The following LONRF3 variants were observed in gnomAD, a reference collection of about 807,000 sequenced individuals.
LONRF3 encodes the protein LON peptidase N-terminal domain and RING finger protein 3.
In LONRF3, 19 loss-of-function variants were observed where a neutral mutation model predicts 51.7. The observed-to-expected ratio is 0.37, with a 90% CI of 0.26 to 0.54. The LOEUF (loss-of-function observed/expected upper bound fraction) is 0.54. Ranked by LOEUF, LONRF3 falls within the 20% of genes least tolerant of loss-of-function variation. LONRF3 has a pLI of 0.86. For synonymous variants in LONRF3, 265 were observed against 257.8 expected, an observed-to-expected ratio of 1.03 and a Z score of -0.27; for missense variants, 521 against 623.9, an observed-to-expected ratio of 0.84 and a Z score of 1.76.
rs189862519 is a variant in LONRF3 at position 118,983,327 on chromosome X, A to T, written c.1059+384A>T. 2.9e-4 allele frequency among the ~76,000 whole-genome samples: 32 copies of T among 111,662 alleles called. No individual in the cohort carries two copies. In the East Asian group the frequency reaches 7.3e-3, roughly 26 times the overall value. On this transcript the variant is annotated intron_variant, in intron 3 of 10. Coordinates refer to ENST00000371628, the MANE Select transcript of LONRF3 (RefSeq NM_001031855.3). ...GCATGGGGCTACCTGCTGTTACATA[A>T]CTTTTCTTTGGCTGAATCACAGTTT...
At position 118,989,530 on chromosome X, in the gene LONRF3, G is replaced by C; in HGVS notation, c.1182G>C (p.Gln394His). Reference sequence around the variant, plus strand: ...GTCAGCAGCACCACATGAAAGACCAGGAAGAAGAGGAGGAGAAGTGGGATG... The same window carrying C: ...GTCAGCAGCACCACATGAAAGACCACGAAGAAGAGGAGGAGAAGTGGGATG... ...GDGQQHHMKD[Q>H]EEEEEKWDAT... is the part of the protein sequence containing the mutation. The change falls in exon 4 of 11, where the codon CAG (glutamine) becomes CAC (histidine). Residue 394 changes from glutamine (Q) to histidine (H), a missense_variant. This residue lies in a region of LONRF3 where 376 missense variants were observed against 376.7 expected (regional missense o/e 1.00). Coordinates refer to ENST00000371628, the MANE Select transcript of LONRF3 (RefSeq NM_001031855.3). The C allele has an allele frequency of 8.3e-7, 1 of 1,211,500 alleles. No individual in the cohort carries two copies. The highest frequency in any genetic ancestry group is 1.1e-6 in the Non-Finnish European group (1 of 895,485).
At chrX:119,012,618 A>G (rs778305304) in intron 8 of LONRF3, among the ~76,000 whole-genome samples, 5 of 111,356 alleles carry the variant, frequency 4.5e-5, no homozygotes, top group Admixed American at 3.8e-4. Flanking sequence ...GAGAGAAAGA[A>G]GGGGGTCAAA....
At position 118,989,421 on chromosome X, in the gene LONRF3, T is replaced by C. The variant is rs146443202; in HGVS notation, c.1073T>C (p.Leu358Pro). The change falls in exon 4 of 11, where the codon CTC becomes CCC. Residue 358 changes from leucine to proline, a missense_variant. Transcript: ENST00000371628. ...RCEAQRDNLE[L>P]PHCSSQEEAA... The stretch of plus-strand genomic sequence containing the variant: ...TTCTTCATCCAGGACAATCTGGAGC[T>C]CCCACATTGTTCTAGTCAGGAGGAA... 200 of 1,208,448 alleles carry C rather than the reference T, an allele frequency of 1.7e-4. No individual in the cohort carries two copies. In the South Asian group the frequency reaches 3.4e-3, roughly 20 times the overall value.
chrX:118,999,395 C>T (rs973279293), intron 5 of LONRF3, among the ~76,000 whole-genome samples: 10 of 112,145 alleles, frequency 8.9e-5, no homozygotes, highest in Admixed American at 5.6e-4. Context: ...AGAAATCCTG[C>T]TTCCAGGCAG....
intron 2 of LONRF3, among the ~76,000 whole-genome samples, chrX:118,979,751 G>A (rs1714985248): frequency 9.0e-6 from 1 of 111,547 alleles, no homozygotes; most frequent in African/African-American, 3.3e-5. Context: ...TCACACAATG[G>A]TTGTGCCATT....
At position 118,996,478 on chromosome X, in the gene LONRF3, A is replaced by G. The variant is rs182828707; in HGVS notation, c.1415+5918A>G. Among the ~76,000 whole-genome samples, 898 of 111,781 alleles carry G rather than the reference A, an allele frequency of 8.0e-3. 7 individuals carry two copies. The highest frequency in any genetic ancestry group is 0.044 in the South Asian group (116 of 2,656). On this transcript the variant is annotated intron_variant, in intron 5 of 10. Coordinates refer to ENST00000371628, the MANE Select transcript of LONRF3 (RefSeq NM_001031855.3). ...AGAATTCAGTAAGGTTTCTGGATAC[A>G]AGATTAATGTACACAAATCAGGAGC...
chrX:119,007,740 G>A (rs1924832175), intron 6 of LONRF3, among the ~76,000 whole-genome samples: 1 of 111,719 alleles, frequency 9.0e-6, no homozygotes, highest in Non-Finnish European at 1.9e-5. Context: ...CGTTGGGATT[G>A]GGAGGAGGGT....
chrX:118,976,975 G>C (rs1922129318), intron 1 of LONRF3: 2 of 111,923 alleles, frequency 1.8e-5, no homozygotes, highest in African/African-American at 3.3e-5. Context: ...GAGGAATGAG[G>C]ACTGAAGGGG....
At chrX:119,014,868 T>C (rs1925335536) in intron 10 of LONRF3, among the ~76,000 whole-genome samples, 1 of 111,904 alleles carries the variant, frequency 8.9e-6, no homozygotes, top group African/African-American at 3.2e-5. Flanking sequence ...CGTGCCTCGG[T>C]CTATCTATGC....
intron 3 of LONRF3, among the ~76,000 whole-genome samples, chrX:118,986,506 A>G (rs888927315): frequency 2.7e-5 from 3 of 112,022 alleles, no homozygotes; most frequent in African/African-American, 9.7e-5. Context: ...AAATTCCCCA[A>G]GTGAGGTTTC....
At chrX:119,008,139 T>TG (rs1459208995) in intron 6 of LONRF3, among the ~76,000 whole-genome samples, 9 of 111,651 alleles carry the variant, frequency 8.1e-5, no homozygotes, top group Non-Finnish European at 1.1e-4. Flanking sequence ...GTTCAGGACT[T>TG]GGGGTCTAGA....
At chrX:118,989,237 A>C (rs1032516320) in intron 3 of LONRF3, among the ~76,000 whole-genome samples, 171 bp from the exon 4 acceptor site, 1 of 111,809 alleles carries the variant, frequency 8.9e-6, no homozygotes, top group Non-Finnish European at 1.9e-5. Flanking sequence ...TGTGCAGAAA[A>C]GAAGTAGGAA....
At chrX:118,987,314 A>G (rs182390714) in intron 3 of LONRF3, among the ~76,000 whole-genome samples, 102 of 110,145 alleles carry the variant, frequency 9.3e-4, no homozygotes, top group Admixed American at 1.3e-3. Context: ...GTCTCTTTCT[A>G]TCACCCAGGC....
Position 118,983,955 on chromosome X carries a change from A to T in LONRF3, c.1059+1012A>T, listed in dbSNP as rs1021726176. On this transcript the variant is annotated intron_variant, in intron 3 of 10. Coordinates refer to ENST00000371628, the MANE Select transcript of LONRF3 (RefSeq NM_001031855.3). Reference sequence around the variant, plus strand: ...AGTATGTGAAAAAGGTGTGCTTGAGAGGAGCACGGTTCGGGGAGAATTGCT... The same window carrying T: ...AGTATGTGAAAAAGGTGTGCTTGAGTGGAGCACGGTTCGGGGAGAATTGCT... Among the ~76,000 whole-genome samples the T allele has an allele frequency of 5.3e-5, 6 of 112,294 alleles. No individual in the cohort carries two copies. In the Admixed American group the frequency reaches 5.7e-4, roughly 11 times the overall value.
intron 6 of LONRF3, 56 bp from the exon 7 acceptor site, chrX:119,009,070 G>T: frequency 1.9e-6 from 2 of 1,058,104 alleles, no homozygotes; most frequent in East Asian, 3.1e-5. Context: ...GAAGTGTTTT[G>T]CTGATTGCTA....
At chrX:118,998,959 C>A (rs1332113366) in intron 5 of LONRF3, among the ~76,000 whole-genome samples, 1 of 112,281 alleles carries the variant, frequency 8.9e-6, no homozygotes, top group East Asian at 2.8e-4. Context: ...TATGCCTGGC[C>A]CTAAAAAAGT....
chrX:119,011,145 T>C (rs1396070426), intron 7 of LONRF3, among the ~76,000 whole-genome samples: 8 of 109,899 alleles, frequency 7.3e-5, no homozygotes, highest in Admixed American at 6.8e-4. Flanking sequence ...AGAAAGACCC[T>C]TGGGTCCCAA....
At chrX:118,999,793 T>A (rs750082223) in intron 5 of LONRF3, among the ~76,000 whole-genome samples, 8 of 111,903 alleles carry the variant, frequency 7.1e-5, no homozygotes, top group Non-Finnish European at 1.3e-4. Context: ...CCCTCCGTTC[T>A]AAGTGAGACT....
At chrX:118,986,705 C>G (rs1307578203) in intron 3 of LONRF3, among the ~76,000 whole-genome samples, 1 of 111,607 alleles carries the variant, frequency 9.0e-6, no homozygotes, top group Non-Finnish European at 1.9e-5. Flanking sequence ...GATGGGAGTA[C>G]AAAGTAGAGA....
Sources: allele counts gnomAD v4.1 joint callset (sites outside exome capture counted in the v4.1 genomes callset), GRCh38; gene constraint gnomAD v4.1.1; regional missense constraint gnomAD v4.1.1; transcripts MANE v1.5; gene names NCBI Gene and HGNC (gene_info 2026-07-23, HGNC 2026-07-21).